Variants in EVA1C observed in about 807,000 individuals in gnomAD.
EVA1C encodes eva-1 homolog C.
In EVA1C, 25 loss-of-function variants were observed where a neutral mutation model predicts 45.4. That is an observed-to-expected ratio of 0.55 (90% CI 0.40 to 0.77). EVA1C has a LOEUF of 0.77. Ranked by LOEUF, EVA1C falls within the 30% of genes least tolerant of loss-of-function variation. The probability of loss-of-function intolerance (pLI) is 0.00; values close to 1 mark genes in which losing one functional copy is unlikely to be tolerated. For missense variants in EVA1C, 479 were observed against 554.8 expected (o/e 0.86, Z 1.37); for synonymous variants, 190 against 221.2 (o/e 0.86, Z 1.25).
At chr21:32,467,942 T>C (rs2036238006) in intron 4 of EVA1C, 94 bp downstream of exon 4, 1 of 848,120 alleles carries the variant, frequency 1.2e-6, no homozygotes, top group Non-Finnish European at 1.6e-6. Flanking sequence ...TCCTATATGA[T>C]TGTGAAAGTC....
intron 1 of EVA1C, among the ~76,000 whole-genome samples, chr21:32,416,237 T>C (rs750559362): frequency 1.8e-3 from 271 of 152,134 alleles, no homozygotes; most frequent in Middle Eastern, 3.4e-3. Context: ...TGCTTCTAAT[T>C]TGTGTTGTTT....
chr21:32,489,976 A>AT (rs997135612), intron 4 of EVA1C, among the ~76,000 whole-genome samples: 2 of 151,720 alleles, frequency 1.3e-5, no homozygotes, highest in South Asian at 2.1e-4. Context: ...TAATTTTTGT[A>AT]TTTTTTTAGT....
intron 5 of EVA1C, among the ~76,000 whole-genome samples, chr21:32,498,589 G>C (rs2037430630): frequency 6.6e-6 from 1 of 151,966 alleles, no homozygotes; most frequent in Non-Finnish European, 1.5e-5. Flanking sequence ...CTGTAACAGT[G>C]GAGGGGGCCT....
rs755248207 is a variant in EVA1C at position 32,412,835 on chromosome 21, C to G, written c.-19C>G. On this transcript the variant is annotated 5_prime_UTR_variant, in exon 1 of 8. Coordinates refer to ENST00000300255, the MANE Select transcript of EVA1C (RefSeq NM_058187.5). Reference sequence around the variant, plus strand: ...AGCGCGTCCCGGGCCTGCGCCTCCGCCCCGCCGCGCAGCGCACGATGCTTC... The same window carrying G: ...AGCGCGTCCCGGGCCTGCGCCTCCGGCCCGCCGCGCAGCGCACGATGCTTC... The G allele has an allele frequency of 7.1e-7, 1 of 1,413,394 alleles. No homozygotes were observed. The highest frequency in any genetic ancestry group is 1.5e-5 in the South Asian group (1 of 65,842). 87.6% of individuals were successfully genotyped at this position (1,413,394 alleles called of 1,614,324 possible). A position where few individuals can be genotyped will look rare whatever the true frequency, so the allele number is the denominator to read the frequency against.
intron 1 of EVA1C, among the ~76,000 whole-genome samples, chr21:32,443,104 G>C (rs1047603680): frequency 6.6e-6 from 1 of 152,046 alleles, no homozygotes; most frequent in Non-Finnish European, 1.5e-5. Flanking sequence ...GGGCAGCCAC[G>C]GGGCTATGTA....
chr21:32,512,728 G>A (rs1223877520), intron 7 of EVA1C, among the ~76,000 whole-genome samples: 1 of 152,186 alleles, frequency 6.6e-6, no homozygotes, highest in African/African-American at 2.4e-5. Context: ...CCTTGAGGTC[G>A]GCAGCATCAC....
At chr21:32,472,199 C>T (rs1305797971) in intron 4 of EVA1C, among the ~76,000 whole-genome samples, 2 of 152,148 alleles carry the variant, frequency 1.3e-5, no homozygotes, top group African/African-American at 2.4e-5. Flanking sequence ...CGCTCTGTCG[C>T]CCACGCTGGA....
intron 1 of EVA1C, among the ~76,000 whole-genome samples, chr21:32,427,244 AT>A (rs1468925227): frequency 6.6e-6 from 1 of 152,238 alleles, no homozygotes; most frequent in Non-Finnish European, 1.5e-5. Flanking sequence ...GCTTCCTGCA[AT>A]AAAAGTAAAA....
chr21:32,426,478 G>T (rs551760142), intron 1 of EVA1C, among the ~76,000 whole-genome samples: 2 of 151,506 alleles, frequency 1.3e-5, no homozygotes, highest in African/African-American at 4.8e-5. Context: ...CCTTCCCTGT[G>T]TTCCTGCTCT....
At chr21:32,433,885 G>A (rs376078679) in intron 1 of EVA1C, among the ~76,000 whole-genome samples, 6 of 39,672 alleles carry the variant, frequency 1.5e-4, no homozygotes, top group East Asian at 2.3e-3. Flanking sequence ...TTGGCCAGGT[G>A]CAGTGGCTCA....
chr21:32,503,653 C>A (rs1253575234), intron 6 of EVA1C, among the ~76,000 whole-genome samples: 2 of 152,148 alleles, frequency 1.3e-5, no homozygotes, highest in Non-Finnish European at 1.5e-5. Context: ...TTCCCTTCCA[C>A]AGTGGAGTGG....
At chr21:32,435,024 T>C (rs2146179578) in intron 1 of EVA1C, among the ~76,000 whole-genome samples, 1 of 152,420 alleles carries the variant, frequency 6.6e-6, no homozygotes, top group African/African-American at 2.4e-5. Context: ...TTATCCATGA[T>C]GTCTGCAGCA....
At chr21:32,514,098 T>A (rs1325892782) in intron 7 of EVA1C, among the ~76,000 whole-genome samples, 1 of 152,186 alleles carries the variant, frequency 6.6e-6, no homozygotes, top group Non-Finnish European at 1.5e-5. Context: ...TGCTTAGGTT[T>A]TATGCAAATT....
intron 6 of EVA1C, among the ~76,000 whole-genome samples, chr21:32,503,421 C>A (rs2037622276): frequency 6.6e-6 from 1 of 152,172 alleles, no homozygotes; most frequent in Non-Finnish European, 1.5e-5. Context: ...TGGCACGTGC[C>A]TGTAATCCCA....
chr21:32,435,623 C>A (rs937069380), intron 1 of EVA1C, among the ~76,000 whole-genome samples: 1 of 152,200 alleles, frequency 6.6e-6, no homozygotes, highest in African/African-American at 2.4e-5. Flanking sequence ...CTCTATATGC[C>A]CACGACCAAC....
intron 1 of EVA1C, among the ~76,000 whole-genome samples, chr21:32,423,446 TGG>T (rs2034367423): frequency 6.6e-6 from 1 of 152,136 alleles, no homozygotes; most frequent in African/African-American, 2.4e-5. Context: ...ATTCCTTCCC[TGG>T]GGAAGCTTGC....
At chr21:32,488,875 A>G (rs1425186600) in intron 4 of EVA1C, among the ~76,000 whole-genome samples, 3 of 151,744 alleles carry the variant, frequency 2.0e-5, no homozygotes, top group Non-Finnish European at 4.4e-5. Context: ...CGTGAGCACC[A>G]TGCCAGGCCT....
chr21:32,423,025 C>G (rs1170418842), intron 1 of EVA1C, among the ~76,000 whole-genome samples: 1 of 132,656 alleles, frequency 7.5e-6, no homozygotes, highest in Non-Finnish European at 1.6e-5. Context: ...GAGCCAAGAT[C>G]ATGCCACTGC....
intron 4 of EVA1C, among the ~76,000 whole-genome samples, chr21:32,482,901 G>C (rs1056059115): frequency 8.6e-3 from 1 of 116 alleles, no homozygotes; most frequent in African/African-American, 0.033. Flanking sequence ...TTGTTGCCCA[G>C]GCTGGAGTGC....
Sources: gnomAD v4.1 joint callset for allele counts (sites outside exome capture counted in the v4.1 genomes callset) on GRCh38, gnomAD v4.1.1 for gene constraint, MANE v1.5 for transcripts, NCBI Gene and HGNC (gene_info 2026-07-23, HGNC 2026-07-21) for gene names.